Variants in PPP2R2B observed in about 807,000 individuals in gnomAD.
PPP2R2B encodes the protein serine/threonine-protein phosphatase 2A 55 kDa regulatory subunit B beta isoform.
A neutral mutation model predicts 46.0 loss-of-function variants in PPP2R2B; 5 were observed. That is an observed-to-expected ratio of 0.11 (90% CI 0.06 to 0.23). The LOEUF (loss-of-function observed/expected upper bound fraction) is 0.23. Ranked by LOEUF, PPP2R2B falls within the 10% of genes least tolerant of loss-of-function variation. The pLI is 1.00. For synonymous variants in PPP2R2B, 215 were observed against 206.7 expected (o/e 1.04, Z -0.34); for missense variants, 367 against 575.0 (o/e 0.64, Z 3.70).
At position 146,844,858 on chromosome 5, in the gene PPP2R2B, A is replaced by G. The variant is rs531505969; in HGVS notation, c.70+33144T>C. Among the ~76,000 whole-genome samples, 5 of 152,228 alleles carry G rather than the reference A, an allele frequency of 3.3e-5. No individual in the cohort carries two copies. In the South Asian group the frequency reaches 8.3e-4, roughly 25 times the overall value. ...CTTTCTTCCAACTTTCACTTATTGC[A>G]TTTTTACCTTTAGCCTACACAGTGA... On this transcript the variant is annotated intron_variant, in intron 2 of 9. Transcript: ENST00000394411.
chr5:147,035,590 G>C (rs1755999968), intron 1 of PPP2R2B, among the ~76,000 whole-genome samples: 1 of 152,068 alleles, frequency 6.6e-6, no homozygotes, highest in Admixed American at 6.5e-5. Flanking sequence ...TTTAATCTTG[G>C]GGCTTAGCTT....
chr5:147,081,148 A>G (rs1298615394), intron 1 of PPP2R2B: 7 of 1,535,370 alleles, frequency 4.6e-6, no homozygotes, highest in Non-Finnish European at 5.2e-6. Context: ...TGAAAACAAC[A>G]CAAGGAGACA....
intron 1 of PPP2R2B, among the ~76,000 whole-genome samples, chr5:146,926,696 T>C (rs2151818630): frequency 6.6e-6 from 1 of 152,272 alleles, no homozygotes; most frequent in East Asian, 1.9e-4. Flanking sequence ...TAGAGGAGCA[T>C]ATACAAAGTT....
At chr5:146,810,376 C>T (rs528542351) in intron 2 of PPP2R2B, among the ~76,000 whole-genome samples, 5 of 152,232 alleles carry the variant, frequency 3.3e-5, no homozygotes, top group East Asian at 1.9e-4. Context: ...CATCAGATTG[C>T]GTGAGACTTA....
chr5:146,997,445 AC>A (rs1166022166), intron 1 of PPP2R2B, among the ~76,000 whole-genome samples: 9 of 152,192 alleles, frequency 5.9e-5, no homozygotes, highest in African/African-American at 2.2e-4. Flanking sequence ...CTGAGCAAGC[AC>A]AGCACCCATG....
At chr5:146,978,503 G>A (rs113018230) in intron 1 of PPP2R2B, among the ~76,000 whole-genome samples, 20 of 152,194 alleles carry the variant, frequency 1.3e-4, no homozygotes, top group Admixed American at 2.0e-4. Context: ...ATGATTTTAC[G>A]TACTACGTTT....
chr5:146,722,675 C>T (rs892953584), intron 2 of PPP2R2B, among the ~76,000 whole-genome samples: 1 of 152,138 alleles, frequency 6.6e-6, no homozygotes, highest in African/African-American at 2.4e-5. Flanking sequence ...GTGGGTTGCC[C>T]ACAGTATAAA....
At chr5:146,648,010 T>C (rs888806075) in intron 6 of PPP2R2B, among the ~76,000 whole-genome samples, 5 of 152,204 alleles carry the variant, frequency 3.3e-5, no homozygotes, top group African/African-American at 4.8e-5. Context: ...CTGAAAGCCC[T>C]TGGAGACGGT....
chr5:146,623,589 A>G (rs1773846880), intron 7 of PPP2R2B, among the ~76,000 whole-genome samples: 1 of 152,238 alleles, frequency 6.6e-6, no homozygotes, highest in Non-Finnish European at 1.5e-5. Flanking sequence ...ATTTCACTGC[A>G]TTACAGACAT....
At chr5:146,985,978 G>T (rs1561557419) in intron 1 of PPP2R2B, among the ~76,000 whole-genome samples, 1 of 152,090 alleles carries the variant, frequency 6.6e-6, no homozygotes, top group Non-Finnish European at 1.5e-5. Context: ...TGGCATAATA[G>T]AACCCTCTGA....
rs139991423 is a variant in PPP2R2B, at chr5:146,736,625, C to T, written c.71-35483G>A. ...GAGGACATCTCTGCCATCTTCTTCC[C>T]AGCCCCCAGCACCACCCCCTTTCCT... On this transcript the variant is annotated intron_variant, in intron 2 of 9. Transcript: ENST00000394411. 6.2e-3 allele frequency among the ~76,000 whole-genome samples: 947 copies of T among 152,264 alleles called. 16 individuals carry two copies. The highest frequency in any genetic ancestry group is 0.021 in the African/African-American group (888 of 41,520).
intron 7 of PPP2R2B, among the ~76,000 whole-genome samples, chr5:146,626,912 C>G (rs1295404322): frequency 1.3e-5 from 2 of 152,190 alleles, no homozygotes; most frequent in African/African-American, 4.8e-5. Flanking sequence ...ACTGGATTCT[C>G]CAGGATGACT....
chr5:146,630,674 G>A (rs1209709309), intron 7 of PPP2R2B, among the ~76,000 whole-genome samples: 1 of 152,176 alleles, frequency 6.6e-6, no homozygotes, highest in Non-Finnish European at 1.5e-5. Flanking sequence ...AAAATGTCAT[G>A]GAAGTTAGCT....
intron 1 of PPP2R2B, among the ~76,000 whole-genome samples, chr5:146,974,175 A>C (rs376016421): frequency 6.6e-6 from 1 of 152,258 alleles, no homozygotes; most frequent in East Asian, 1.9e-4. Flanking sequence ...ATTTTAAAAG[A>C]ACAAAAAAGT....
At chr5:146,650,381 T>C (rs1352871791) in intron 6 of PPP2R2B, among the ~76,000 whole-genome samples, 166 bp downstream of exon 6, 1 of 152,174 alleles carries the variant, frequency 6.6e-6, no homozygotes, top group African/African-American at 2.4e-5. Flanking sequence ...TCCCTAACTT[T>C]ATTGTTATGA....
rs1394346371 is a variant in PPP2R2B at position 146,693,382 on chromosome 5, T to C, written c.335-2142A>G. 2.6e-5 allele frequency among the ~76,000 whole-genome samples: 4 copies of C among 151,968 alleles called. No homozygotes were observed. In the South Asian group the frequency reaches 8.3e-4, roughly 32 times the overall value. On this transcript the variant is annotated intron_variant, in intron 4 of 9. Transcript: ENST00000394411. ...GTCACATGCCACCACGCCCAGAGAATTTTTCTATTTTTTATAGAGACATGA... is the reference window on the plus strand; with the variant it reads ...GTCACATGCCACCACGCCCAGAGAACTTTTCTATTTTTTATAGAGACATGA...
intron 2 of PPP2R2B, among the ~76,000 whole-genome samples, chr5:146,787,606 C>T (rs1755924580): frequency 6.6e-6 from 1 of 152,034 alleles, no homozygotes; most frequent in Admixed American, 6.6e-5. Flanking sequence ...CTCACTGTGT[C>T]ACCCAGGCTG....
intron 1 of PPP2R2B, among the ~76,000 whole-genome samples, chr5:146,901,450 G>A (rs767974594): frequency 6.6e-6 from 1 of 152,088 alleles, no homozygotes; most frequent in Non-Finnish European, 1.5e-5. Flanking sequence ...AGTGAGCTGT[G>A]TGATCGTGTC....
chr5:146,759,378 T>C (rs1472625359), intron 2 of PPP2R2B, among the ~76,000 whole-genome samples: 1 of 152,198 alleles, frequency 6.6e-6, no homozygotes, highest in Non-Finnish European at 1.5e-5. Context: ...AAACATTAAT[T>C]AAGCCAACCT....
Sources: gnomAD v4.1 joint callset for allele counts (sites outside exome capture counted in the v4.1 genomes callset) on GRCh38, gnomAD v4.1.1 for gene constraint, MANE v1.5 for transcripts, NCBI Gene and HGNC (gene_info 2026-07-23, HGNC 2026-07-21) for gene names.